CDKAL1: variants seen among roughly 807,000 people sequenced by gnomAD.
The protein encoded by CDKAL1 is CDKAL1 threonylcarbamoyladenosine tRNA methylthiotransferase, also known as threonylcarbamoyladenosine tRNA methylthiotransferase.
In CDKAL1, 32 loss-of-function variants were observed where a neutral mutation model predicts 68.2. The ratio of observed to expected loss-of-function variants is 0.47; its 90% CI spans 0.35 to 0.63. The LOEUF is 0.63. CDKAL1 is among the 30% of genes least tolerant of loss of function. The pLI is 0.00. For synonymous variants in CDKAL1, 234 were observed against 244.3 expected, an observed-to-expected ratio of 0.96 and a Z score of 0.39; for missense variants, 606 against 696.7, an observed-to-expected ratio of 0.87 and a Z score of 1.47.
chr6:21,112,412 T>C (rs1774165156), intron 13 of CDKAL1, among the ~76,000 whole-genome samples: 1 of 152,212 alleles, frequency 6.6e-6, no homozygotes, highest in South Asian at 2.1e-4. Flanking sequence ...CTGCATGAAT[T>C]AGTGCACACT....
intron 4 of CDKAL1, among the ~76,000 whole-genome samples, chr6:20,632,349 A>G (rs1767709523): frequency 6.6e-6 from 1 of 152,222 alleles, no homozygotes; most frequent in Non-Finnish European, 1.5e-5. Context: ...CTGGCCTGAA[A>G]AAGATGAAAA....
intron 11 of CDKAL1, among the ~76,000 whole-genome samples, chr6:21,040,936 G>C (rs2150894535): frequency 6.6e-6 from 1 of 152,278 alleles, no homozygotes; most frequent in Non-Finnish European, 1.5e-5. Context: ...CCCATAGATA[G>C]ATGATAAGCC....
chr6:20,921,055 T>C (rs1323099720), intron 9 of CDKAL1, among the ~76,000 whole-genome samples: 1 of 152,122 alleles, frequency 6.6e-6, no homozygotes, highest in Non-Finnish European at 1.5e-5. Flanking sequence ...CTGGGTGCAG[T>C]CATTGTTTGG....
chr6:20,835,094 A>G (rs1294468407), intron 8 of CDKAL1, among the ~76,000 whole-genome samples: 1 of 152,232 alleles, frequency 6.6e-6, no homozygotes, highest in Non-Finnish European at 1.5e-5. Flanking sequence ...ATAGTGAAAG[A>G]AAGAACAATA....
At chr6:20,864,141 C>T (rs531319839) in intron 9 of CDKAL1, among the ~76,000 whole-genome samples, 171 of 152,240 alleles carry the variant, frequency 1.1e-3, no homozygotes, top group African/African-American at 4.0e-3. Context: ...GTATCTGTAA[C>T]TAAATTAATT....
intron 13 of CDKAL1, among the ~76,000 whole-genome samples, chr6:21,116,669 G>A (rs3935207): frequency 1.3e-5 from 2 of 151,762 alleles, no homozygotes; most frequent in Non-Finnish European, 2.9e-5. Flanking sequence ...GCATATTCTC[G>A]CCCCTGCACC....
intron 10 of CDKAL1, among the ~76,000 whole-genome samples, chr6:20,959,180 A>C (rs1370495711): frequency 1.3e-5 from 2 of 152,204 alleles, no homozygotes; most frequent in African/African-American, 2.4e-5. Context: ...ATAGGCAGAC[A>C]AGTAGTGAAG....
In CDKAL1 at chr6:20,955,435, A is replaced by G; in HGVS notation, c.759A>G (p.Ile253Met). 9 of 1,614,160 alleles carry G rather than the reference A, an allele frequency of 5.6e-6. No homozygotes were observed. The highest frequency in any genetic ancestry group is 7.6e-6 in the Non-Finnish European group (9 of 1,179,992). ...KQSFQEGVCEIWLTSEDTGAY... is the reference protein window; with the variant it reads ...KQSFQEGVCEMWLTSEDTGAY... ...GATTCACAGAGGGTGTTTGTGAGAT[A>G]TGGTTGACCAGTGAAGACACGGGGG... The change falls in exon 10 of 16, where the codon ATA becomes ATG. Residue 253 changes from isoleucine to methionine, a missense_variant. Physicochemically the swap from Ile to Met is conservative, Grantham distance 10. Transcript: ENST00000274695.
At chr6:20,803,012 G>A (rs1392749090) in intron 8 of CDKAL1, among the ~76,000 whole-genome samples, 1 of 152,152 alleles carries the variant, frequency 6.6e-6, no homozygotes, top group Non-Finnish European at 1.5e-5. Flanking sequence ...GACCTACAAG[G>A]AACTGACAGA....
intron 5 of CDKAL1, among the ~76,000 whole-genome samples, chr6:20,685,433 T>C (rs1207715795): frequency 6.6e-6 from 1 of 152,202 alleles, no homozygotes; most frequent in East Asian, 1.9e-4. Flanking sequence ...TTGAGTAGTG[T>C]CATCCTTCTG....
intron 4 of CDKAL1, among the ~76,000 whole-genome samples, chr6:20,596,939 G>A (rs62400069): frequency 0.27 from 40,416 of 151,934 alleles, 5,647 homozygotes; most frequent in Middle Eastern, 0.37. Flanking sequence ...GCAACGCCCC[G>A]CCCTGCTTCG....
intron 10 of CDKAL1, among the ~76,000 whole-genome samples, chr6:20,977,895 A>G (rs1405483251): frequency 6.6e-6 from 1 of 152,136 alleles, no homozygotes; most frequent in Non-Finnish European, 1.5e-5. Context: ...TAATGATAAT[A>G]ATAATAATCA....
At chr6:20,935,126 C>G (rs1273040518) in intron 9 of CDKAL1, among the ~76,000 whole-genome samples, 1 of 152,064 alleles carries the variant, frequency 6.6e-6, no homozygotes, top group Non-Finnish European at 1.5e-5. Flanking sequence ...GAACTCGTGA[C>G]CTCAAGATCC....
chr6:21,186,198 GCT>G (rs1448256391), intron 13 of CDKAL1, among the ~76,000 whole-genome samples: 2 of 152,076 alleles, frequency 1.3e-5, no homozygotes, highest in African/African-American at 4.8e-5. Flanking sequence ...TTAGAGCTTG[GCT>G]CTCTTTGATT....
intron 5 of CDKAL1, among the ~76,000 whole-genome samples, chr6:20,691,028 A>C (rs1770848595): frequency 6.6e-6 from 1 of 152,266 alleles, no homozygotes; most frequent in Admixed American, 6.5e-5. Flanking sequence ...GTAGATTTTT[A>C]GAAAAGCAGG....
chr6:21,124,360 A>G (rs1037060087), intron 13 of CDKAL1, among the ~76,000 whole-genome samples: 2 of 152,090 alleles, frequency 1.3e-5, no homozygotes, highest in African/African-American at 4.8e-5. Flanking sequence ...CATTCACAGT[A>G]GAGTCCTGTT....
Position 20,758,520 on chromosome 6 carries a change from C to T in CDKAL1, c.469-75C>T, listed in dbSNP as rs976591233. 3 of 1,250,084 alleles carry T rather than the reference C, an allele frequency of 2.4e-6. No homozygotes were observed. In the African/African-American group the frequency reaches 4.5e-5, roughly 19 times the overall value. The allele number at this position is 1,250,084 out of a possible 1,614,324, so 77.4% of individuals were successfully genotyped here. On this transcript the variant is annotated intron_variant, in intron 6 of 15. Coordinates refer to ENST00000274695, the MANE Select transcript of CDKAL1 (RefSeq NM_017774.3). Reference sequence around the variant, plus strand: ...GTGCTTAGAAAATGTGTAACATTGACTCAAGCATAAGGATAAACACAAATT... The same window carrying T: ...GTGCTTAGAAAATGTGTAACATTGATTCAAGCATAAGGATAAACACAAATT...
At chr6:20,915,985 A>C (rs947542528) in intron 9 of CDKAL1, among the ~76,000 whole-genome samples, 1 of 152,152 alleles carries the variant, frequency 6.6e-6, no homozygotes, top group Non-Finnish European at 1.5e-5. Context: ...AGGTGACAAA[A>C]CTATAGAGAT....
intron 9 of CDKAL1, among the ~76,000 whole-genome samples, chr6:20,870,468 A>C (rs1211903080): frequency 1.3e-5 from 2 of 152,202 alleles, no homozygotes; most frequent in Admixed American, 6.5e-5. Context: ...AACTCCTTTT[A>C]AGTTACATCT....
Sources: allele counts gnomAD v4.1 joint callset (sites outside exome capture counted in the v4.1 genomes callset), GRCh38; gene constraint gnomAD v4.1.1; transcripts MANE v1.5; gene names NCBI Gene and HGNC (gene_info 2026-07-23, HGNC 2026-07-21).